Variants in RAB40B observed in about 807,000 individuals in gnomAD.
RAB40B encodes ras-related protein Rab-40B.
Under a neutral mutation model 24.0 loss-of-function variants are expected in RAB40B, and 21 were observed. That is an observed-to-expected ratio of 0.88 (90% CI 0.62 to 1.26). RAB40B has a LOEUF of 1.26. RAB40B is among the 50% of genes most tolerant of loss of function. RAB40B has a pLI of 0.00. For synonymous variants in RAB40B, 167 were observed against 169.8 expected, an observed-to-expected ratio of 0.98 and a Z score of 0.13; for missense variants, 348 against 390.5, an observed-to-expected ratio of 0.89 and a Z score of 0.92.
At chr17:82,698,409 C>T (rs766078075) in intron 1 of RAB40B, 46 bp downstream of exon 1, 8 of 1,207,546 alleles carry the variant, frequency 6.6e-6, no homozygotes, top group African/African-American at 1.6e-5. Context: ...CGCGCCCCTC[C>T]CCGGCCCCGC....
rs1214704094 is a variant in RAB40B, at chr17:82,692,104, C to T, written c.142+6351G>A. Among the ~76,000 whole-genome samples the T allele has an allele frequency of 7.1e-4, 3 of 4,244 alleles. No homozygotes were observed. Among genetic ancestry groups the T allele is most frequent in the African/African-American group, 2.8e-3 (2 of 714 alleles). The allele number at this position is 4,244 out of a possible 152,430, so 2.8% of individuals were successfully genotyped here. A position where few individuals can be genotyped will look rare whatever the true frequency, so the allele number is the denominator to read the frequency against. On this transcript the variant is annotated intron_variant, in intron 1 of 5. Transcript: ENST00000571995. This position sits in a 1 kb window ranked among gnomAD's most constrained non-coding sequence, Gnocchi z 4.0. ...GGCAGAGCAGTGGGGCCCGCACGGT[C>T]CGTGGGCTGAGGTGACAGGCAGAGC...
At chr17:82,664,618 C>T in intron 1 of RAB40B, 62 bp from the exon 2 acceptor site, 1 of 1,503,102 alleles carries the variant, frequency 6.7e-7, no homozygotes, top group African/African-American at 1.4e-5. Context: ...CTGGAAGTCT[C>T]ACGTTCAGGG....
intron 2 of RAB40B, chr17:82,662,152 C>T (rs1598295653): frequency 4.1e-6 from 4 of 985,442 alleles, no homozygotes; most frequent in Non-Finnish European, 3.6e-6. Context: ...CGGTGACCAC[C>T]CTCAGCACGA....
In RAB40B at chr17:82,663,900, C is replaced by T. The variant is rs563745111; in HGVS notation, c.203+596G>A. Among the ~76,000 whole-genome samples the T allele has an allele frequency of 6.0e-4, 92 of 152,284 alleles. 1 individual carries two copies. The highest frequency in any genetic ancestry group is 2.1e-3 in the African/African-American group (87 of 41,546). ...GGTCCCCTACTCTGGATGACGGGGG[C>T]CCAGACAACCGGACCACCACCTCCT... On this transcript the variant is annotated intron_variant, in intron 2 of 5. Coordinates refer to ENST00000571995, the MANE Select transcript of RAB40B (RefSeq NM_006822.3). This position sits in a 1 kb window ranked among gnomAD's most constrained non-coding sequence, Gnocchi z 6.2.
At position 82,697,039 on chromosome 17, in the gene RAB40B, T is replaced by A. The variant is rs550157352; in HGVS notation, c.142+1416A>T. 1.3e-5 allele frequency among the ~76,000 whole-genome samples: 2 copies of A among 152,012 alleles called. No individual in the cohort carries two copies. Among genetic ancestry groups the A allele is most frequent in the Non-Finnish European group, 2.9e-5 (2 of 67,968 alleles). On this transcript the variant is annotated intron_variant, in intron 1 of 5. Transcript: ENST00000571995. This position sits in a 1 kb window ranked among gnomAD's most constrained non-coding sequence, Gnocchi z 4.9. ...CAGGTAGAGACGCAGGCTCCCCTCC[T>A]GCCCCACGGAGCACACTCTGCACCC...
intron 1 of RAB40B, among the ~76,000 whole-genome samples, chr17:82,674,871 G>A (rs556984997): frequency 6.6e-6 from 1 of 152,192 alleles, no homozygotes; most frequent in African/African-American, 2.4e-5. Context: ...CAGGGAGTAG[G>A]CAGAGGAGAA....
chr17:82,683,805 C>CAAAAAAAA (rs35145848), intron 1 of RAB40B, among the ~76,000 whole-genome samples: 1 of 90,794 alleles, frequency 1.1e-5, no homozygotes, highest in Non-Finnish European at 2.2e-5. Context: ...ACCCTGTTTC[C>CAAAAAAAA]AAAAAAAAAA....
intron 1 of RAB40B, among the ~76,000 whole-genome samples, chr17:82,690,155 C>T (rs2046540997): frequency 2.0e-5 from 3 of 152,150 alleles, no homozygotes. Context: ...AGCAAATCCA[C>T]CTCTGTCTGA....
intron 1 of RAB40B, among the ~76,000 whole-genome samples, chr17:82,674,063 A>G (rs976414655): frequency 1.6e-4 from 24 of 152,234 alleles, no homozygotes; most frequent in Non-Finnish European, 2.6e-4. Flanking sequence ...CAACCTGGCC[A>G]GGCGCGGTGG....
intron 1 of RAB40B, among the ~76,000 whole-genome samples, chr17:82,677,903 C>T (rs1037578244): frequency 2.6e-5 from 4 of 152,220 alleles, no homozygotes; most frequent in African/African-American, 7.2e-5. Flanking sequence ...CTGGGCCCAG[C>T]GAGCAGCGAC....
intron 1 of RAB40B, among the ~76,000 whole-genome samples, chr17:82,696,198 T>G (rs185231499): frequency 1.1e-3 from 167 of 152,214 alleles, no homozygotes; most frequent in African/African-American, 3.9e-3. Flanking sequence ...GCCTAAATCC[T>G]CCCTCCGTGT....
chr17:82,668,359 G>A (rs1421814722), intron 1 of RAB40B: 1 of 154,350 alleles, frequency 6.5e-6, no homozygotes, highest in Admixed American at 6.5e-5. Context: ...CCGGGCCCCA[G>A]GCCCCCTTGA....
At chr17:82,682,652 C>G (rs1338888530) in intron 1 of RAB40B, among the ~76,000 whole-genome samples, 1 of 152,112 alleles carries the variant, frequency 6.6e-6, no homozygotes, top group Non-Finnish European at 1.5e-5. Flanking sequence ...CAGTATGGTA[C>G]TGGTATAAAA....
chr17:82,662,447 C>A, intron 2 of RAB40B: 1 of 985,462 alleles, frequency 1.0e-6, no homozygotes, highest in Non-Finnish European at 1.2e-6. Flanking sequence ...GCTGGGACAA[C>A]GTGCCGGCCT....
intron 1 of RAB40B, among the ~76,000 whole-genome samples, chr17:82,676,101 A>G (rs1568038940): frequency 6.6e-6 from 1 of 152,080 alleles, no homozygotes; most frequent in Non-Finnish European, 1.5e-5. Context: ...TTCCCTGGCT[A>G]TGAATGGGGA....
rs117735422 is a variant in RAB40B at position 82,657,514 on chromosome 17, T to G, written c.*349A>C. 23 of 380,790 alleles carry G rather than the reference T, an allele frequency of 6.0e-5. No individual in the cohort carries two copies. The East Asian group carries it at 1.5e-3, about 25-fold the overall frequency. 23.6% of individuals were successfully genotyped at this position (380,790 alleles called of 1,614,324 possible). On this transcript the variant is annotated 3_prime_UTR_variant, in exon 6 of 6. Coordinates refer to ENST00000571995, the MANE Select transcript of RAB40B (RefSeq NM_006822.3). ...ATTGCTTCTCAAATTCCATTGAATT[T>G]ATACTAATCACTCCAATATCACCGT...
chr17:82,692,669 T>C lies in RAB40B; in HGVS notation c.142+5786A>G, dbSNP rs1250116152. On this transcript the variant is annotated intron_variant, in intron 1 of 5. Transcript: ENST00000571995. This position sits in a 1 kb window ranked among gnomAD's most constrained non-coding sequence, Gnocchi z 4.0. ...GCCTCACCCCAGCTGGAGGCAGCCA[T>C]TCATGTCAAAGGTAAAACGATGCTT... is the stretch of plus-strand genomic sequence containing the variant. 6.6e-6 allele frequency among the ~76,000 whole-genome samples: 1 copy of C among 152,194 alleles called. No homozygotes were observed. Among genetic ancestry groups the C allele is most frequent in the Non-Finnish European group, 1.5e-5 (1 of 68,034 alleles).
At chr17:82,669,117 C>A (rs1298999967) in intron 1 of RAB40B, among the ~76,000 whole-genome samples, 2 of 146,096 alleles carry the variant, frequency 1.4e-5, no homozygotes, top group African/African-American at 5.1e-5. Flanking sequence ...GTGAGAGGAT[C>A]GCTTGAGCCC....
chr17:82,662,437 G>A (rs1291465442), intron 2 of RAB40B: 1 of 985,332 alleles, frequency 1.0e-6, no homozygotes, highest in African/African-American at 1.7e-5. Context: ...TCCCTCCTCA[G>A]CTGGGACAAC....
Sources: gnomAD v4.1 joint callset for allele counts (sites outside exome capture counted in the v4.1 genomes callset) on GRCh38, gnomAD v4.1.1 for gene constraint, Gnocchi (gnomAD v3.1) non-coding constraint, MANE v1.5 for transcripts, NCBI Gene and HGNC (gene_info 2026-07-23, HGNC 2026-07-21) for gene names.